FIGN: variants seen among roughly 807,000 people sequenced by gnomAD.
FIGN encodes the protein fidgetin, microtubule severing factor.
In FIGN, 11 loss-of-function variants were observed where a neutral mutation model predicts 51.3. The ratio of observed to expected loss-of-function variants is 0.21; its 90% CI spans 0.13 to 0.35. FIGN has a LOEUF of 0.35. FIGN is among the 10% of genes least tolerant of loss of function. The pLI, the probability that FIGN is intolerant of heterozygous loss-of-function variation, is 1.00. For missense variants in FIGN, 857 were observed against 943.6 expected, an observed-to-expected ratio of 0.91 and a Z score of 1.20; for synonymous variants, 407 against 363.2, an observed-to-expected ratio of 1.12 and a Z score of -1.37.
rs1229850991 is a variant in FIGN at position 163,608,012 on chromosome 2, G to A, written c.*1540C>T. Reference sequence around the variant, plus strand: ...TGAGGTGGAAGTAAGCACAAATGCTGATGTCTTTGGAAACTAGATTTACGG... The same window carrying A: ...TGAGGTGGAAGTAAGCACAAATGCTAATGTCTTTGGAAACTAGATTTACGG... On this transcript the variant is annotated 3_prime_UTR_variant, in exon 3 of 3. Coordinates refer to ENST00000333129, the MANE Select transcript of FIGN (RefSeq NM_018086.4). 1 of 152,652 alleles carries A rather than the reference G, an allele frequency of 6.6e-6. No homozygotes were observed. The highest frequency in any genetic ancestry group is 1.5e-5 in the Non-Finnish European group (1 of 68,050). 9.5% of individuals were successfully genotyped at this position (152,652 alleles called of 1,614,324 possible).
intron 2 of FIGN, among the ~76,000 whole-genome samples, chr2:163,723,761 A>T (rs1684796630): frequency 6.6e-6 from 1 of 152,214 alleles, no homozygotes; most frequent in Non-Finnish European, 1.5e-5. Flanking sequence ...CACTCTATTG[A>T]AATCTCTTAC....
At chr2:163,732,213 A>G (rs1316728170) in intron 2 of FIGN, among the ~76,000 whole-genome samples, 2 of 152,184 alleles carry the variant, frequency 1.3e-5, no homozygotes, top group African/African-American at 4.8e-5. Context: ...TTTAAGCTGA[A>G]ATTCCAAAGG....
chr2:163,680,394 C>T (rs575003778), intron 2 of FIGN, among the ~76,000 whole-genome samples: 1 of 152,238 alleles, frequency 6.6e-6, no homozygotes, highest in Non-Finnish European at 1.5e-5. Flanking sequence ...AGCACAAAAT[C>T]TTACTTCCTC....
At chr2:163,653,349 C>T (rs1016822417) in intron 2 of FIGN, among the ~76,000 whole-genome samples, 2 of 151,908 alleles carry the variant, frequency 1.3e-5, no homozygotes, top group Non-Finnish European at 2.9e-5. Context: ...GCACTATATA[C>T]ATTTTATAAT....
chr2:163,669,351 AC>A (rs1341064399), intron 2 of FIGN, among the ~76,000 whole-genome samples: 1 of 152,152 alleles, frequency 6.6e-6, no homozygotes, highest in Non-Finnish European at 1.5e-5. Flanking sequence ...AGCTGGGACT[AC>A]AGGCGCATGC....
intron 2 of FIGN, among the ~76,000 whole-genome samples, chr2:163,622,528 TA>T (rs1056308391): frequency 3.3e-5 from 5 of 151,994 alleles, no homozygotes; most frequent in African/African-American, 1.2e-4. Context: ...AAGACGGGGA[TA>T]TTTTTCAGCC....
At chr2:163,674,326 T>C in intron 2 of FIGN, among the ~76,000 whole-genome samples, 1 of 152,322 alleles carries the variant, frequency 6.6e-6, no homozygotes. Context: ...TGAATTACGC[T>C]TTTCTAATGT....
In FIGN at chr2:163,626,047, G is replaced by A. The variant is rs145914685; in HGVS notation, c.26-14241C>T. Reference sequence around the variant, plus strand: ...TTTCTTCTAACCTCACAAGCTTCACGACTCCTAATTGAAGCCAATAAGCCT... The same window carrying A: ...TTTCTTCTAACCTCACAAGCTTCACAACTCCTAATTGAAGCCAATAAGCCT... On this transcript the variant is annotated intron_variant, in intron 2 of 2. Transcript: ENST00000333129. Among the ~76,000 whole-genome samples, 23 of 152,076 alleles carry A rather than the reference G, an allele frequency of 1.5e-4. No homozygotes were observed. In the East Asian group the frequency reaches 3.5e-3, roughly 23 times the overall value.
At chr2:163,660,797 A>G (rs1165731918) in intron 2 of FIGN, among the ~76,000 whole-genome samples, 1 of 98,300 alleles carries the variant, frequency 1.0e-5, no homozygotes, top group African/African-American at 3.9e-5. Flanking sequence ...ATATGTATAT[A>G]GATATACATA....
At chr2:163,624,838 A>AG (rs1683030949) in intron 2 of FIGN, among the ~76,000 whole-genome samples, 1 of 151,852 alleles carries the variant, frequency 6.6e-6, no homozygotes, top group Non-Finnish European at 1.5e-5. Flanking sequence ...TCTTTAGAAA[A>AG]ATACCAGTAA....
intron 2 of FIGN, among the ~76,000 whole-genome samples, chr2:163,684,026 G>A (rs1475168932): frequency 1.3e-5 from 2 of 152,028 alleles, no homozygotes; most frequent in Non-Finnish European, 2.9e-5. Flanking sequence ...TTTTTCCAAT[G>A]TTGAAAATCA....
intron 2 of FIGN, among the ~76,000 whole-genome samples, chr2:163,720,781 AACAC>A (rs147735125): frequency 1.3e-5 from 2 of 151,226 alleles, no homozygotes; most frequent in Non-Finnish European, 3.0e-5. Flanking sequence ...CTACTAAATA[AACAC>A]ACACACACAC....
chr2:163,644,496 C>T (rs190990547), intron 2 of FIGN, among the ~76,000 whole-genome samples: 4 of 152,210 alleles, frequency 2.6e-5, no homozygotes, highest in Non-Finnish European at 4.4e-5. Flanking sequence ...ATGTGAAGTG[C>T]GGCTACTTTG....
intron 2 of FIGN, among the ~76,000 whole-genome samples, chr2:163,648,721 A>G (rs1683422185): frequency 6.6e-6 from 1 of 152,354 alleles, no homozygotes; most frequent in East Asian, 1.9e-4. Context: ...GGACAAAATT[A>G]ATAGCTCAAT....
At chr2:163,708,884 T>G (rs990392354) in intron 2 of FIGN, among the ~76,000 whole-genome samples, 4 of 152,306 alleles carry the variant, frequency 2.6e-5, no homozygotes, top group Admixed American at 1.3e-4. Context: ...TTACATATGA[T>G]ATTAATGCTT....
chr2:163,657,479 C>T (rs1428648713), intron 2 of FIGN, among the ~76,000 whole-genome samples: 3 of 149,008 alleles, frequency 2.0e-5, no homozygotes, highest in African/African-American at 7.5e-5. Context: ...GTGTGTCAAA[C>T]ATCAGAATGT....
chr2:163,720,982 ATAAG>A (rs976195996), intron 2 of FIGN, among the ~76,000 whole-genome samples: 4 of 151,996 alleles, frequency 2.6e-5, no homozygotes, highest in Admixed American at 6.6e-5. Flanking sequence ...AAATAAATAA[ATAAG>A]TAAATAAAAA....
intron 2 of FIGN, among the ~76,000 whole-genome samples, chr2:163,672,934 G>C (rs1683900604): frequency 6.6e-6 from 1 of 152,126 alleles, no homozygotes; most frequent in Non-Finnish European, 1.5e-5. Flanking sequence ...ACTTTCCAAA[G>C]AGGAAAGAGA....
intron 2 of FIGN, among the ~76,000 whole-genome samples, chr2:163,612,749 C>CATATATAT (rs10592741): frequency 2.2e-5 from 3 of 139,226 alleles, no homozygotes; most frequent in Non-Finnish European, 3.1e-5. Flanking sequence ...TATACATCTT[C>CATATATAT]ATATATATAT....
Sources: gnomAD v4.1 joint callset for allele counts (sites outside exome capture counted in the v4.1 genomes callset) on GRCh38, gnomAD v4.1.1 for gene constraint, MANE v1.5 for transcripts, NCBI Gene and HGNC (gene_info 2026-07-23, HGNC 2026-07-21) for gene names.